The following TBC1D30 variants were observed in gnomAD, a reference collection of about 807,000 sequenced individuals.
The protein encoded by TBC1D30 is TBC1 domain family member 30.
TBC1D30 carries 31 observed loss-of-function variants against 63.2 expected under a neutral mutation model. The ratio of observed to expected loss-of-function variants is 0.49; its 90% CI spans 0.37 to 0.66. TBC1D30 has a LOEUF of 0.66. Ranked by LOEUF, TBC1D30 falls within the 30% of genes least tolerant of loss-of-function variation. TBC1D30 has a pLI of 0.00. For missense variants in TBC1D30, 810 were observed against 953.6 expected (o/e 0.85, Z 1.98); for synonymous variants, 307 against 361.5 (o/e 0.85, Z 1.71).
At chr12:64,866,281 T>C (rs1878207605) in intron 9 of TBC1D30, among the ~76,000 whole-genome samples, 2 of 152,184 alleles carry the variant, frequency 1.3e-5, no homozygotes, top group Non-Finnish European at 1.5e-5. Context: ...TGCTTATGTG[T>C]GCTCAGAGAA....
intron 4 of TBC1D30, 87 bp from the exon 5 acceptor site, chr12:64,832,031 CT>C (rs1211330244): frequency 3.4e-5 from 42 of 1,245,478 alleles, no homozygotes; most frequent in Non-Finnish European, 4.4e-5. Flanking sequence ...GATGATTTGA[CT>C]CTGTTTATTG....
chr12:64,826,318 C>A (rs764091462), intron 1 of TBC1D30, among the ~76,000 whole-genome samples: 2 of 152,072 alleles, frequency 1.3e-5, no homozygotes, highest in Non-Finnish European at 2.9e-5. Flanking sequence ...GCCAACTAAC[C>A]CCTGCTGGGT....
intron 2 of TBC1D30, among the ~76,000 whole-genome samples, chr12:64,788,303 A>T (rs901109854): frequency 6.6e-6 from 1 of 152,030 alleles, no homozygotes; most frequent in East Asian, 1.9e-4. Flanking sequence ...TGATTTACAC[A>T]TGTCAAGTTA....
At chr12:64,799,432 G>A (rs890173621) in intron 2 of TBC1D30, among the ~76,000 whole-genome samples, 40 of 152,334 alleles carry the variant, frequency 2.6e-4, no homozygotes, top group African/African-American at 8.4e-4. Flanking sequence ...AATTCCCACT[G>A]TGGGAGGTTC....
At chr12:64,854,087 T>C (rs1203933382) in intron 8 of TBC1D30, among the ~76,000 whole-genome samples, 1 of 152,198 alleles carries the variant, frequency 6.6e-6, no homozygotes, top group Admixed American at 6.5e-5. Flanking sequence ...TTCAGTGTTA[T>C]TGATAAGTAA....
intron 11 of TBC1D30, among the ~76,000 whole-genome samples, chr12:64,871,800 C>G (rs1000850995): frequency 6.6e-6 from 1 of 152,158 alleles, no homozygotes; most frequent in East Asian, 1.9e-4. Flanking sequence ...AGCAATTGTC[C>G]AGGGTTATAT....
chr12:64,874,859 C>T (rs1463187950), intron 11 of TBC1D30, 142 bp from the exon 12 acceptor site: 1 of 739,062 alleles, frequency 1.4e-6, no homozygotes, highest in Non-Finnish European at 2.2e-6. Flanking sequence ...TGTCTTCAGT[C>T]ACATGACTCT....
At chr12:64,760,068 G>A (rs974925921) in intron 1 of TBC1D30, among the ~76,000 whole-genome samples, 1 of 152,172 alleles carries the variant, frequency 6.6e-6, no homozygotes, top group Non-Finnish European at 1.5e-5. Flanking sequence ...TGTCCTGACA[G>A]CTTTATCCTA....
chr12:64,877,284 A>G lies in TBC1D30; in HGVS notation c.*1496A>G, dbSNP rs1879155908. ...CTCAGCCTTCATGTTTGTCTCTGGA[A>G]GACGATTGGCGATACTTGCAGGAAT... On this transcript the variant is annotated 3_prime_UTR_variant, in exon 12 of 12. Coordinates refer to ENST00000539867, the MANE Select transcript of TBC1D30 (RefSeq NM_015279.2). The G allele has an allele frequency of 1.2e-5, 2 of 160,222 alleles. No homozygotes were observed. The highest frequency in any genetic ancestry group is 1.2e-4 in the Admixed American group (2 of 16,398). The allele number at this position is 160,222 out of a possible 1,614,324, so 9.9% of individuals were successfully genotyped here.
intron 10 of TBC1D30, 79 bp downstream of exon 10, chr12:64,866,982 G>T: frequency 6.9e-7 from 1 of 1,456,872 alleles, no homozygotes; most frequent in Non-Finnish European, 9.2e-7. Flanking sequence ...TCCTATAGAT[G>T]CCCCAGTAAC....
chr12:64,787,862 C>A (rs894580348), intron 2 of TBC1D30, among the ~76,000 whole-genome samples: 2 of 152,060 alleles, frequency 1.3e-5, no homozygotes, highest in African/African-American at 2.4e-5. Context: ...ACGGTGAAAC[C>A]CCATCTCTAC....
intron 7 of TBC1D30, among the ~76,000 whole-genome samples, chr12:64,840,644 T>C (rs981317587): frequency 3.3e-5 from 5 of 152,208 alleles, no homozygotes; most frequent in Admixed American, 3.3e-4. Flanking sequence ...GATGTGAGAA[T>C]TGAGGCACAC....
At chr12:64,786,891 C>T (rs1272788437) in intron 2 of TBC1D30, among the ~76,000 whole-genome samples, 6 of 151,426 alleles carry the variant, frequency 4.0e-5, no homozygotes, top group Non-Finnish European at 7.4e-5. Context: ...TGCAGTGAAC[C>T]GAGATCGCAC....
At chr12:64,819,067 C>CTTAAA (rs1873727801) in intron 2 of TBC1D30, among the ~76,000 whole-genome samples, 1 of 152,180 alleles carries the variant, frequency 6.6e-6, no homozygotes, top group Admixed American at 6.5e-5. Flanking sequence ...TTCTGTATGA[C>CTTAAA]ATTCTGAGTG....
At chr12:64,856,517 A>G (rs1311356019) in intron 8 of TBC1D30, among the ~76,000 whole-genome samples, 1 of 152,060 alleles carries the variant, frequency 6.6e-6, no homozygotes. Context: ...CTTTTCCTTT[A>G]ATTTCTCTGA....
intron 6 of TBC1D30, among the ~76,000 whole-genome samples, chr12:64,836,922 T>A (rs1192610745): frequency 6.6e-6 from 1 of 152,232 alleles, no homozygotes; most frequent in Non-Finnish European, 1.5e-5. Flanking sequence ...GTACTCTGGA[T>A]GGAATACCAT....
chr12:64,775,288 C>T (rs545218349), intron 1 of TBC1D30, among the ~76,000 whole-genome samples: 6 of 151,998 alleles, frequency 3.9e-5, no homozygotes, highest in Admixed American at 1.3e-4. Flanking sequence ...TCAATAATAA[C>T]CTTAAATGTA....
chr12:64,813,697 C>T (rs1018685867), intron 2 of TBC1D30, among the ~76,000 whole-genome samples: 2 of 152,114 alleles, frequency 1.3e-5, no homozygotes, highest in Non-Finnish European at 2.9e-5. Context: ...TTTTTTAATA[C>T]GTGGTGTAAA....
At chr12:64,864,630 AC>A in intron 8 of TBC1D30, 37 bp from the exon 9 acceptor site, 1 of 1,340,180 alleles carries the variant, frequency 7.5e-7, no homozygotes, top group Non-Finnish European at 1.0e-6. Context: ...TGTGAAGGCT[AC>A]TGTTTCAGAC....
Sources: gnomAD v4.1 joint callset for allele counts (sites outside exome capture counted in the v4.1 genomes callset) on GRCh38, gnomAD v4.1.1 for gene constraint, MANE v1.5 for transcripts, NCBI Gene and HGNC (gene_info 2026-07-23, HGNC 2026-07-21) for gene names.